FBXO10: variants seen among roughly 807,000 people sequenced by gnomAD.
FBXO10 encodes F-box protein 10, also known as F-box only protein 10.
FBXO10 carries 39 observed loss-of-function variants against 80.7 expected under a neutral mutation model. That is an observed-to-expected ratio of 0.48 (90% CI 0.37 to 0.63). The LOEUF is 0.63. FBXO10 is among the 30% of genes least tolerant of loss of function. The probability of loss-of-function intolerance (pLI) is 0.00; values close to 1 mark genes in which losing one functional copy is unlikely to be tolerated. For synonymous variants in FBXO10, 449 were observed against 489.6 expected (o/e 0.92, Z 1.09); for missense variants, 1,025 against 1,269.0 (o/e 0.81, Z 2.92).
intron 1 of FBXO10, among the ~76,000 whole-genome samples, chr9:37,559,351 C>T (rs1322704794): frequency 1.3e-5 from 2 of 152,146 alleles, no homozygotes; most frequent in Non-Finnish European, 2.9e-5. Context: ...CAGCTTCAAC[C>T]CTTTCAGTGA....
intron 8 of FBXO10, among the ~76,000 whole-genome samples, chr9:37,520,262 C>CA (rs1171002959): frequency 1.5e-5 from 2 of 132,280 alleles, no homozygotes; most frequent in African/African-American, 5.5e-5. Flanking sequence ...AGGTGAACTA[C>CA]ACAGTAATTA....
chr9:37,561,013 G>A (rs1822465297), intron 1 of FBXO10, among the ~76,000 whole-genome samples: 1 of 152,008 alleles, frequency 6.6e-6, no homozygotes, highest in Admixed American at 6.5e-5. Flanking sequence ...ATGGTGGTGG[G>A]CACCTGTAGT....
chr9:37,540,645 G>A (rs937059771), intron 2 of FBXO10, among the ~76,000 whole-genome samples: 1 of 152,112 alleles, frequency 6.6e-6, no homozygotes, highest in Non-Finnish European at 1.5e-5. Context: ...CTGCATTCAC[G>A]GAAGGAATAT....
intron 1 of FBXO10, among the ~76,000 whole-genome samples, chr9:37,561,864 G>C (rs1483040212): frequency 6.6e-6 from 1 of 152,212 alleles, no homozygotes; most frequent in Non-Finnish European, 1.5e-5. Flanking sequence ...GAAGGTCTCT[G>C]AGGAAGTGAC....
At position 37,547,771 on chromosome 9, in the gene FBXO10, C is replaced by T. The variant is rs566369519; in HGVS notation, c.-6-5997G>A. 4.6e-5 allele frequency among the ~76,000 whole-genome samples: 7 copies of T among 152,278 alleles called. No homozygotes were observed. In the South Asian group the frequency reaches 1.2e-3, roughly 27 times the overall value. The stretch of plus-strand genomic sequence containing the variant: ...TCCAGTTCGAGATCAGCCTGGACAA[C>T]ATAGCAAGACCCCGTCTCTACAAAA... On this transcript the variant is annotated intron_variant, in intron 1 of 10. Coordinates refer to ENST00000432825, the MANE Select transcript of FBXO10 (RefSeq NM_012166.3).
In FBXO10 at chr9:37,511,559, G is replaced by A. The variant is rs1402335157; in HGVS notation, c.*988C>T. On this transcript the variant is annotated 3_prime_UTR_variant, in exon 11 of 11. Coordinates refer to ENST00000432825, the MANE Select transcript of FBXO10 (RefSeq NM_012166.3). Reference sequence around the variant, plus strand: ...CAGAGAAAGGCCACTGAGGCCCAGAGGGGGAAAGAGGGCAGGGAGAGCTAT... The same window carrying A: ...CAGAGAAAGGCCACTGAGGCCCAGAAGGGGAAAGAGGGCAGGGAGAGCTAT... 6.5e-6 allele frequency: 1 copy of A among 153,374 alleles called. No individual in the cohort carries two copies. Among genetic ancestry groups the A allele is most frequent in the African/African-American group, 2.4e-5 (1 of 41,478 alleles). 9.5% of individuals were successfully genotyped at this position (153,374 alleles called of 1,614,324 possible).
At chr9:37,556,620 T>C (rs1315764997) in intron 1 of FBXO10, among the ~76,000 whole-genome samples, 3 of 141,142 alleles carry the variant, frequency 2.1e-5, no homozygotes, top group Middle Eastern at 3.8e-3. Flanking sequence ...CTCGGCTCAC[T>C]GCAACTTCTG....
chr9:37,560,565 C>G (rs1419176336), intron 1 of FBXO10, among the ~76,000 whole-genome samples: 4 of 152,138 alleles, frequency 2.6e-5, no homozygotes, highest in African/African-American at 9.7e-5. Flanking sequence ...GCTTTATTTA[C>G]TATATCTTTA....
chr9:37,571,783 A>G (rs1307292355), intron 1 of FBXO10, among the ~76,000 whole-genome samples: 1 of 146,408 alleles, frequency 6.8e-6, no homozygotes, highest in Non-Finnish European at 1.5e-5. Context: ...AAAATTTAAA[A>G]ATGGCAAGAG....
chr9:37,563,404 A>G (rs1822528875), intron 1 of FBXO10, among the ~76,000 whole-genome samples: 1 of 152,172 alleles, frequency 6.6e-6, no homozygotes, highest in South Asian at 2.1e-4. Context: ...TAACAGGCAG[A>G]GGCTGGAATG....
intron 5 of FBXO10, among the ~76,000 whole-genome samples, chr9:37,525,885 T>G (rs1821459329): frequency 6.6e-6 from 1 of 152,060 alleles, no homozygotes; most frequent in Non-Finnish European, 1.5e-5. Context: ...CAGAAAATGT[T>G]TACAATTTTT....
intron 4 of FBXO10, 88 bp from the exon 5 acceptor site, chr9:37,529,348 G>A: frequency 7.1e-7 from 1 of 1,406,620 alleles, no homozygotes. Flanking sequence ...CTCCGCGGCA[G>A]GATGAACACA....
intron 9 of FBXO10, 97 bp downstream of exon 9, chr9:37,518,028 G>C: frequency 7.9e-7 from 1 of 1,270,938 alleles, no homozygotes; most frequent in Non-Finnish European, 1.1e-6. Context: ...GTAGTGCTGA[G>C]TGATTACGGT....
intron 1 of FBXO10, among the ~76,000 whole-genome samples, chr9:37,542,887 T>C (rs1419450834): frequency 6.6e-6 from 1 of 152,058 alleles, no homozygotes; most frequent in Non-Finnish European, 1.5e-5. Context: ...ACTAGAAGAG[T>C]CTGGACTTCT....
intron 1 of FBXO10, among the ~76,000 whole-genome samples, chr9:37,575,934 T>C (rs1189617341): frequency 6.6e-6 from 1 of 152,206 alleles, no homozygotes; most frequent in Non-Finnish European, 1.5e-5. Context: ...CGGAGATACA[T>C]GCTCCGCGTC....
chr9:37,562,143 G>A (rs1419739541), intron 1 of FBXO10, among the ~76,000 whole-genome samples: 2 of 152,170 alleles, frequency 1.3e-5, no homozygotes, highest in African/African-American at 2.4e-5. Context: ...TGGGAAGGGT[G>A]GGCTCCATGT....
intron 1 of FBXO10, among the ~76,000 whole-genome samples, chr9:37,569,265 A>C (rs1822686702): frequency 6.6e-6 from 1 of 151,958 alleles, no homozygotes; most frequent in Non-Finnish European, 1.5e-5. Context: ...TAAGGCAAAA[A>C]AAAAAATTAT....
intron 3 of FBXO10, among the ~76,000 whole-genome samples, chr9:37,535,532 T>C (rs1405645118): frequency 6.6e-6 from 1 of 151,926 alleles, no homozygotes; most frequent in Non-Finnish European, 1.5e-5. Flanking sequence ...TTTTTTATTT[T>C]ATTTTAGTAG....
intron 1 of FBXO10, among the ~76,000 whole-genome samples, chr9:37,561,938 G>A (rs1351746548): frequency 1.3e-5 from 2 of 152,222 alleles, no homozygotes; most frequent in East Asian, 3.8e-4. Flanking sequence ...TGGTGAAGGA[G>A]TTAAGAGAGA....
Sources: allele counts gnomAD v4.1 joint callset (sites outside exome capture counted in the v4.1 genomes callset), GRCh38; gene constraint gnomAD v4.1.1; transcripts MANE v1.5; gene names NCBI Gene and HGNC (gene_info 2026-07-23, HGNC 2026-07-21).